OVCH1: variants seen among roughly 807,000 people sequenced by gnomAD.
OVCH1 encodes the protein ovochymase-1.
In OVCH1, 139 loss-of-function variants were observed where a neutral mutation model predicts 138.4. The observed-to-expected ratio is 1.00, with a 90% confidence interval of 0.87 to 1.16. The LOEUF (loss-of-function observed/expected upper bound fraction) is 1.16, where lower values mean the gene tolerates loss of function less well. OVCH1 is among the 50% of genes most tolerant of loss of function. The pLI, the probability that OVCH1 is intolerant of heterozygous loss-of-function variation, is 0.00. For missense variants in OVCH1, 1,367 were observed against 1,357.9 expected (o/e 1.01, Z -0.11); for synonymous variants, 453 against 467.8 (o/e 0.97, Z 0.41).
At chr12:29,461,746 G>T (rs778653806) in intron 19 of OVCH1, 108 bp downstream of exon 19, 6 of 1,353,438 alleles carry the variant, frequency 4.4e-6, no homozygotes, top group Non-Finnish European at 6.3e-6. Flanking sequence ...ATATGATATT[G>T]AAGCACGTGA....
At chr12:29,428,875 T>A (rs1941222308) in intron 27 of OVCH1, among the ~76,000 whole-genome samples, 1 of 152,228 alleles carries the variant, frequency 6.6e-6, no homozygotes, top group Non-Finnish European at 1.5e-5. Context: ...TTTCCCTCTA[T>A]GAGTCAGTCT....
chr12:29,414,540 GA>G, intron 3 of OVCH1, among the ~76,000 whole-genome samples: 1 of 152,316 alleles, frequency 6.6e-6, no homozygotes, highest in Admixed American at 6.5e-5. Flanking sequence ...GCTGGGCCAT[GA>G]AGCATGTACT....
chr12:29,443,501 C>T lies in OVCH1; in HGVS notation c.3018-1G>A, dbSNP rs1941540045. On this transcript the variant is annotated splice_acceptor_variant, in intron 24 of 27. Transcript: ENST00000318184. LOFTEE classifies it high-confidence loss of function. ...AGGGGCTACTAATCTCCATTGGCAA[C>T]TATGGCATAGATGAAACAAAGTCAG... 5.7e-6 allele frequency: 9 copies of T among 1,588,544 alleles called. No individual in the cohort carries two copies. The highest frequency in any genetic ancestry group is 4.6e-5 in the South Asian group (4 of 87,332).
chr12:29,480,912 G>A (rs4931193), intron 8 of OVCH1, among the ~76,000 whole-genome samples: 89,089 of 151,858 alleles, frequency 0.59, 26,625 homozygotes, highest in East Asian at 0.74. Context: ...CGTTTCTAAA[G>A]CACAATTTTT....
At position 29,441,783 on chromosome 12, in the gene OVCH1, CAAAG is replaced by C. The variant is rs770456395; in HGVS notation, c.3157+1574_3157+1577del. On this transcript the variant is annotated intron_variant, in intron 25 of 27. Coordinates refer to ENST00000318184, the Ensembl canonical transcript of OVCH1. ...CTCAAACAAATTTACAAGAAAAAAA[CAAAG>C]AACCCCATCAAAAAATGGGCAAAGG... Among the ~76,000 whole-genome samples the C allele has an allele frequency of 3.0e-3, 449 of 152,084 alleles. 2 individuals are homozygous for C. The highest frequency in any genetic ancestry group is 3.6e-3 in the Non-Finnish European group (245 of 67,954).
chr12:29,423,131 G>A (rs1941127847), downstream of OVCH1: 1 of 429,514 alleles, frequency 2.3e-6, no homozygotes, highest in East Asian at 7.1e-5. Context: ...ACTTACCACT[G>A]ATAGGAAATT....
chr12:29,468,145 G>C (rs192004667), intron 16 of OVCH1, among the ~76,000 whole-genome samples: 2 of 152,192 alleles, frequency 1.3e-5, no homozygotes, highest in East Asian at 1.9e-4. Flanking sequence ...ATGCATGTAC[G>C]TTTAAATATT....
At chr12:29,440,925 G>A (rs1941468791) in intron 25 of OVCH1, among the ~76,000 whole-genome samples, 181 bp from the exon 26 acceptor site, 1 of 152,160 alleles carries the variant, frequency 6.6e-6, no homozygotes. Flanking sequence ...CCAGCAAAAA[G>A]CCATACATCC....
At chr12:29,470,381 C>T (rs1247367331) in intron 16 of OVCH1, among the ~76,000 whole-genome samples, 3 of 152,088 alleles carry the variant, frequency 2.0e-5, no homozygotes, top group African/African-American at 7.2e-5. Context: ...TCTCCCTCCC[C>T]TTGTCTCCCA....
intron 14 of OVCH1, among the ~76,000 whole-genome samples, chr12:29,474,024 G>A (rs980740546): frequency 1.3e-5 from 2 of 151,430 alleles, no homozygotes; most frequent in Non-Finnish European, 2.9e-5. Context: ...ACAGCCTACT[G>A]TGGGACCTTG....
chr12:29,489,775 TAG>T lies in OVCH1; in HGVS notation c.551-6_551-5del, dbSNP rs756312577. 3.7e-6 allele frequency: 6 copies of T among 1,607,986 alleles called. No homozygotes were observed. Among genetic ancestry groups the T allele is most frequent in the Admixed American group, 1.7e-5 (1 of 59,352 alleles). On this transcript the variant is annotated splice_region_variant and splice_polypyrimidine_tract_variant and intron_variant, in intron 5 of 27. Coordinates refer to ENST00000318184, the Ensembl canonical transcript of OVCH1. ...AGGACATTTGAATATTCTGATGCTG[TAG>T]AGAGAGGACAGATAAGTTAGCACAC...
At chr12:29,430,615 C>T (rs1941251570) in intron 27 of OVCH1, among the ~76,000 whole-genome samples, 1 of 152,180 alleles carries the variant, frequency 6.6e-6, no homozygotes, top group Admixed American at 6.5e-5. Context: ...TCACAGACCT[C>T]ACCCAGCTCC....
intron 27 of OVCH1, among the ~76,000 whole-genome samples, chr12:29,430,120 T>C (rs1941244116): frequency 6.6e-6 from 1 of 152,246 alleles, no homozygotes; most frequent in African/African-American, 2.4e-5. Context: ...ATCTTCAGTC[T>C]AGAGGTGTGT....
At chr12:29,491,892 T>C (rs1396598660) in intron 4 of OVCH1, among the ~76,000 whole-genome samples, 2 of 152,274 alleles carry the variant, frequency 1.3e-5, no homozygotes, top group South Asian at 2.1e-4. Flanking sequence ...TAGAACAAGA[T>C]GATCAAATTA....
At chr12:29,425,622 T>C (rs1014409137), downstream of OVCH1, among the ~76,000 whole-genome samples, 16 of 152,298 alleles carry the variant, frequency 1.1e-4, no homozygotes, top group African/African-American at 3.8e-4. Context: ...AGGCAATTTA[T>C]TTAACAGTTT....
intron 6 of OVCH1, among the ~76,000 whole-genome samples, chr12:29,488,661 T>C (rs918745081): frequency 9.0e-5 from 13 of 144,370 alleles, no homozygotes; most frequent in Non-Finnish European, 1.5e-5. Flanking sequence ...AAGGACCACA[T>C]TGGCTCTTAT....
chr12:29,419,412 C>T (rs967590233), intron 3 of OVCH1, among the ~76,000 whole-genome samples: 25 of 151,428 alleles, frequency 1.7e-4, no homozygotes, highest in Admixed American at 6.6e-4. Context: ...CTCAGCCTCC[C>T]GAGTAGCTGG....
intron 16 of OVCH1, among the ~76,000 whole-genome samples, chr12:29,470,394 C>T (rs1485850176): frequency 1.3e-5 from 2 of 151,884 alleles, no homozygotes; most frequent in African/African-American, 4.8e-5. Flanking sequence ...GTCTCCCAAC[C>T]CCTGTGTTTT....
intron 3 of OVCH1, among the ~76,000 whole-genome samples, chr12:29,419,659 T>A (rs1262999587): frequency 6.6e-6 from 1 of 152,116 alleles, no homozygotes; most frequent in African/African-American, 2.4e-5. Context: ...ATTACAATTA[T>A]AATAATAGAT....
Sources: allele counts gnomAD v4.1 joint callset (sites outside exome capture counted in the v4.1 genomes callset), GRCh38; gene constraint gnomAD v4.1.1; transcripts MANE v1.5; gene names NCBI Gene and HGNC (gene_info 2026-07-23, HGNC 2026-07-21).